SH3BGRL2: variants seen among roughly 807,000 people sequenced by gnomAD.
SH3BGRL2 encodes the protein SH3 domain binding glutamate rich protein like 2, also known as SH3 domain-binding glutamic acid-rich-like protein 2.
Under a neutral mutation model 14.8 loss-of-function variants are expected in SH3BGRL2, and 21 were observed. That is an observed-to-expected ratio of 1.42 (90% confidence interval 1.01 to 2.05). The LOEUF (loss-of-function observed/expected upper bound fraction) is 2.05. Among genes scored for constraint, SH3BGRL2 ranks in the 30% most tolerant of loss-of-function variants. The probability of loss-of-function intolerance (pLI) is 0.00; values close to 1 mark genes in which losing one functional copy is unlikely to be tolerated. For synonymous variants in SH3BGRL2, 50 were observed against 47.8 expected (o/e 1.05, Z -0.19); for missense variants, 147 against 130.8 (o/e 1.12, Z -0.61).
the SH3BGRL2 span, among the ~76,000 whole-genome samples, chr6:79,605,140 C>G: frequency 3.9e-5 from 6 of 152,206 alleles, no homozygotes; most frequent in Admixed American, 2.6e-4. Flanking sequence ...TTTTCACACT[C>G]TTGAAATGCT....
chr6:79,678,819 T>G (rs1041375927), intron 2 of SH3BGRL2, among the ~76,000 whole-genome samples: 2 of 152,176 alleles, frequency 1.3e-5, no homozygotes, highest in Non-Finnish European at 2.9e-5. Context: ...GCATTTTATG[T>G]CTATGGGTCC....
At chr6:79,677,838 C>T (rs1769914881) in intron 2 of SH3BGRL2, among the ~76,000 whole-genome samples, 1 of 152,084 alleles carries the variant, frequency 6.6e-6, no homozygotes, top group Admixed American at 6.6e-5. Flanking sequence ...AGGATTCTTC[C>T]TTCTCTGAGA....
chr6:79,655,862 A>G (rs989530092), intron 1 of SH3BGRL2, among the ~76,000 whole-genome samples: 3 of 152,172 alleles, frequency 2.0e-5, no homozygotes, highest in Admixed American at 2.0e-4. Flanking sequence ...TCTGGGGGCT[A>G]TTCACCCCTC....
the SH3BGRL2 span, among the ~76,000 whole-genome samples, chr6:79,622,605 C>T: frequency 4.6e-5 from 7 of 152,292 alleles, no homozygotes; most frequent in African/African-American, 1.7e-4. Context: ...CATCCCCCAA[C>T]ACACACCTCT....
In SH3BGRL2 at chr6:79,657,255, G is replaced by A. The variant is rs115240915; in HGVS notation, c.46-16359G>A. ...AGAACACTCTTGTCTGCTTTTAGAT[G>A]GGAGAGAGTAGGACAGTAAAGAAAT... On this transcript the variant is annotated intron_variant, in intron 1 of 3. Transcript: ENST00000369838. Among the ~76,000 whole-genome samples the A allele has an allele frequency of 8.5e-3, 1,288 of 152,242 alleles. 18 individuals carry two copies. Among genetic ancestry groups the A allele is most frequent in the African/African-American group, 0.03 (1,229 of 41,524 alleles).
At chr6:79,546,868 GA>G in the SH3BGRL2 span, among the ~76,000 whole-genome samples, 1 of 151,946 alleles carries the variant, frequency 6.6e-6, no homozygotes, top group Non-Finnish European at 1.5e-5. Context: ...TTTTAGTAGA[GA>G]CGGGGTTTCA....
chr6:79,653,821 G>C (rs1003898549), intron 1 of SH3BGRL2, among the ~76,000 whole-genome samples: 3 of 152,336 alleles, frequency 2.0e-5, no homozygotes, highest in African/African-American at 4.8e-5. Context: ...TGGTCTGGCT[G>C]TTGGCCAGGG....
chr6:79,636,980 TAACTC>T (rs576447242), intron 1 of SH3BGRL2, among the ~76,000 whole-genome samples: 2 of 152,174 alleles, frequency 1.3e-5, no homozygotes, highest in African/African-American at 2.4e-5. Context: ...GGGTGAGACA[TAACTC>T]AACACATAAT....
chr6:79,599,554 A>G, the SH3BGRL2 span, among the ~76,000 whole-genome samples: 1 of 152,026 alleles, frequency 6.6e-6, no homozygotes, highest in African/African-American at 2.4e-5. Flanking sequence ...CATTTTTAGT[A>G]GAGATGTGGT....
At chr6:79,591,709 A>G in the SH3BGRL2 span, among the ~76,000 whole-genome samples, 2 of 152,114 alleles carry the variant, frequency 1.3e-5, no homozygotes, top group South Asian at 2.1e-4. Flanking sequence ...ACCCGGCCCT[A>G]TCATCTGAAT....
chr6:79,675,982 A>G (rs1349720462), intron 2 of SH3BGRL2, among the ~76,000 whole-genome samples: 1 of 152,160 alleles, frequency 6.6e-6, no homozygotes, highest in Non-Finnish European at 1.5e-5. Context: ...TGTGTGTCTT[A>G]CATGAATGCA....
intron 1 of SH3BGRL2, among the ~76,000 whole-genome samples, chr6:79,662,055 G>T (rs1461613587): frequency 2.0e-5 from 3 of 151,964 alleles, no homozygotes; most frequent in African/African-American, 7.3e-5. Flanking sequence ...ACATGAGATG[G>T]GTCTCCTGAA....
At chr6:79,657,208 A>T (rs1769437692) in intron 1 of SH3BGRL2, among the ~76,000 whole-genome samples, 1 of 152,122 alleles carries the variant, frequency 6.6e-6, no homozygotes, top group African/African-American at 2.4e-5. Context: ...AATTCTGAAA[A>T]GGCAGTGATA....
At chr6:79,652,721 T>C (rs1056458580) in intron 1 of SH3BGRL2, among the ~76,000 whole-genome samples, 2 of 151,972 alleles carry the variant, frequency 1.3e-5, no homozygotes, top group Non-Finnish European at 2.9e-5. Flanking sequence ...CCAGTGGATA[T>C]TTTGGGTTGG....
At chr6:79,591,905 A>G in the SH3BGRL2 span, among the ~76,000 whole-genome samples, 1 of 152,184 alleles carries the variant, frequency 6.6e-6, no homozygotes, top group Admixed American at 6.5e-5. Flanking sequence ...ATTATTATAT[A>G]ATGATGACGT....
the SH3BGRL2 span, among the ~76,000 whole-genome samples, chr6:79,566,820 CCAG>C: frequency 3.3e-5 from 5 of 151,328 alleles, no homozygotes; most frequent in African/African-American, 1.2e-4. Flanking sequence ...TCGCTTGAGC[CCAG>C]GAGTTCAAGG....
At chr6:79,615,824 T>C in the SH3BGRL2 span, among the ~76,000 whole-genome samples, 6 of 131,964 alleles carry the variant, frequency 4.5e-5, no homozygotes, top group African/African-American at 5.7e-5. Context: ...TGCCTTTTTT[T>C]TTTCTTTCTT....
the SH3BGRL2 span, among the ~76,000 whole-genome samples, chr6:79,603,375 C>T: frequency 7.2e-5 from 11 of 152,140 alleles, no homozygotes; most frequent in African/African-American, 1.2e-4. Context: ...TGATTTATAA[C>T]GAGGCAGTGT....
chr6:79,660,052 G>C (rs1183393823), intron 1 of SH3BGRL2, among the ~76,000 whole-genome samples: 1 of 152,086 alleles, frequency 6.6e-6, no homozygotes, highest in Non-Finnish European at 1.5e-5. Flanking sequence ...GAGACGATGG[G>C]GTTTTCTAAA....
Sources: gnomAD v4.1 joint callset for allele counts (sites outside exome capture counted in the v4.1 genomes callset) on GRCh38, gnomAD v4.1.1 for gene constraint, MANE v1.5 for transcripts, NCBI Gene and HGNC (gene_info 2026-07-23, HGNC 2026-07-21) for gene names.